Variants in DTWD2 observed in about 807,000 individuals in gnomAD.
DTWD2 encodes DTW motif tRNA-uridine aminocarboxypropyltransferase 2.
DTWD2 carries 39 observed loss-of-function variants against 31.8 expected under a neutral mutation model. The observed-to-expected ratio is 1.22, with a 90% CI of 0.95 to 1.60. The LOEUF (loss-of-function observed/expected upper bound fraction) is 1.60. Ranked by LOEUF, DTWD2 falls within the 40% of genes most tolerant of loss-of-function variation. DTWD2 has a pLI of 0.00. For synonymous variants in DTWD2, 180 were observed against 142.8 expected (o/e 1.26, Z -1.86); for missense variants, 515 against 381.5 (o/e 1.35, Z -2.92).
chr5:118,964,114 G>A (rs1754769318), intron 1 of DTWD2, among the ~76,000 whole-genome samples: 1 of 151,736 alleles, frequency 6.6e-6, no homozygotes, highest in Admixed American at 6.6e-5. Flanking sequence ...GGAGGCTGAG[G>A]CAGGAGAATC....
intron 4 of DTWD2, among the ~76,000 whole-genome samples, chr5:118,874,553 T>G (rs1173868295): frequency 6.6e-6 from 1 of 151,790 alleles, no homozygotes; most frequent in East Asian, 1.9e-4. Flanking sequence ...CCATAAGAAT[T>G]TCACAATGCA....
At chr5:118,924,389 T>C (rs1001644813) in intron 4 of DTWD2, among the ~76,000 whole-genome samples, 7 of 152,204 alleles carry the variant, frequency 4.6e-5, no homozygotes, top group African/African-American at 1.7e-4. Flanking sequence ...CTACTCACTC[T>C]GAACCTCACC....
intron 4 of DTWD2, among the ~76,000 whole-genome samples, chr5:118,849,155 C>A (rs1751940017): frequency 6.6e-6 from 1 of 152,130 alleles, no homozygotes; most frequent in Non-Finnish European, 1.5e-5. Context: ...CCAGAATCTA[C>A]AAGGAACTTA....
At position 118,911,431 on chromosome 5, in the gene DTWD2, T is replaced by C. The variant is rs141894804; in HGVS notation, c.597+17106A>G. 1.9e-3 allele frequency among the ~76,000 whole-genome samples: 290 copies of C among 152,288 alleles called. 1 individual carries two copies. The highest frequency in any genetic ancestry group is 6.8e-3 in the African/African-American group (282 of 41,556). The stretch of plus-strand genomic sequence containing the variant: ...TGGGAAAGTAAATTGGTATAGTGTA[T>C]GGAAAACAGTAAGGAAGTTCCTCAA... On this transcript the variant is annotated intron_variant, in intron 4 of 5. Transcript: ENST00000510708.
chr5:118,962,513 A>G (rs1754730093), intron 1 of DTWD2, among the ~76,000 whole-genome samples: 1 of 152,196 alleles, frequency 6.6e-6, no homozygotes, highest in Non-Finnish European at 1.5e-5. Context: ...TAATTTGCCG[A>G]TAACTTCTGA....
At chr5:118,944,498 T>G in intron 2 of DTWD2, 61 bp downstream of exon 2, 1 of 1,502,946 alleles carries the variant, frequency 6.7e-7, no homozygotes, top group Non-Finnish European at 9.2e-7. Context: ...TATGTTTATC[T>G]TCGTGTTTCC....
chr5:118,850,477 CAAAAAAAAAAAAAAA>C (rs34808087), intron 4 of DTWD2, among the ~76,000 whole-genome samples: 103 of 30,492 alleles, frequency 3.4e-3, no homozygotes, highest in Non-Finnish European at 5.4e-3. Flanking sequence ...GACCCCACCA[CAAAAAAAAAAAAAAA>C]AAAAAAAAAA....
rs528973975 is a variant in DTWD2 at position 118,959,001 on chromosome 5, G to A, written c.219-14352C>T. On this transcript the variant is annotated intron_variant, in intron 1 of 5. Coordinates refer to ENST00000510708, the MANE Select transcript of DTWD2 (RefSeq NM_173666.4). Reference sequence around the variant, plus strand: ...ACCCACAGCCAACATCATACTGAACGGGCAAAAACCAAAAGCATTCCCCTT... The same window carrying A: ...ACCCACAGCCAACATCATACTGAACAGGCAAAAACCAAAAGCATTCCCCTT... Among the ~76,000 whole-genome samples, 87 of 152,160 alleles carry A rather than the reference G, an allele frequency of 5.7e-4. 2 individuals are homozygous for A. In the South Asian group the frequency reaches 0.017, roughly 30 times the overall value.
At chr5:118,896,906 T>G (rs1279773824) in intron 4 of DTWD2, among the ~76,000 whole-genome samples, 1 of 152,198 alleles carries the variant, frequency 6.6e-6, no homozygotes, top group African/African-American at 2.4e-5. Context: ...CTGTCTTGGA[T>G]TCTCTTGCCC....
At chr5:118,952,206 A>C (rs1421203928) in intron 1 of DTWD2, among the ~76,000 whole-genome samples, 1 of 152,308 alleles carries the variant, frequency 6.6e-6, no homozygotes, top group South Asian at 2.1e-4. Flanking sequence ...CGGAGCAAAG[A>C]GCAGGAGGAC....
chr5:118,905,561 C>A (rs1464567748), intron 4 of DTWD2, among the ~76,000 whole-genome samples: 1 of 152,134 alleles, frequency 6.6e-6, no homozygotes, highest in Non-Finnish European at 1.5e-5. Flanking sequence ...CTCAAGCCAT[C>A]TGGATTCAAA....
intron 1 of DTWD2, among the ~76,000 whole-genome samples, chr5:118,944,871 C>T (rs1482449877): frequency 1.3e-5 from 2 of 152,024 alleles, no homozygotes; most frequent in African/African-American, 4.8e-5. Context: ...AGATTAAGTA[C>T]CTCAAAACAA....
At chr5:118,918,565 A>G (rs1173653822) in intron 4 of DTWD2, among the ~76,000 whole-genome samples, 1 of 152,142 alleles carries the variant, frequency 6.6e-6, no homozygotes, top group African/African-American at 2.4e-5. Context: ...TCCCAGAAGC[A>G]ATATCTGAAG....
intron 1 of DTWD2, among the ~76,000 whole-genome samples, chr5:118,966,893 G>C (rs533487950): frequency 8.5e-5 from 13 of 152,116 alleles, no homozygotes; most frequent in African/African-American, 3.1e-4. Flanking sequence ...AGCCAGGCAC[G>C]GTGGCAGGTG....
chr5:118,970,296 G>T (rs1016320708), intron 1 of DTWD2, among the ~76,000 whole-genome samples: 1 of 152,198 alleles, frequency 6.6e-6, no homozygotes, highest in Admixed American at 6.5e-5. Context: ...GCATGGTGGT[G>T]TGCACCTATA....
At chr5:118,917,435 T>C (rs1349352492) in intron 4 of DTWD2, among the ~76,000 whole-genome samples, 1 of 152,226 alleles carries the variant, frequency 6.6e-6, no homozygotes, top group East Asian at 1.9e-4. Flanking sequence ...TAAGTGCACC[T>C]ATGTTCAAAT....
At chr5:118,871,020 A>T (rs1032066109) in intron 4 of DTWD2, among the ~76,000 whole-genome samples, 2 of 151,452 alleles carry the variant, frequency 1.3e-5, no homozygotes, top group Non-Finnish European at 1.5e-5. Context: ...TTAATATTCC[A>T]AATCTTACAT....
At chr5:118,868,748 A>G (rs1433200073) in intron 4 of DTWD2, among the ~76,000 whole-genome samples, 1 of 151,642 alleles carries the variant, frequency 6.6e-6, no homozygotes. Context: ...CTGAGGCAGA[A>G]GGATCACTTC....
At chr5:118,987,391 A>G (rs887523740) in intron 1 of DTWD2, among the ~76,000 whole-genome samples, 14 of 152,214 alleles carry the variant, frequency 9.2e-5, no homozygotes, top group Non-Finnish European at 2.1e-4. Flanking sequence ...CAAAATGTCC[A>G]AAGTGTGATA....
Sources: allele counts gnomAD v4.1 joint callset (sites outside exome capture counted in the v4.1 genomes callset), GRCh38; gene constraint gnomAD v4.1.1; transcripts MANE v1.5; gene names NCBI Gene and HGNC (gene_info 2026-07-23, HGNC 2026-07-21).